KLF7: variants seen among roughly 807,000 people sequenced by gnomAD.
KLF7 encodes the protein Krueppel-like factor 7.
A neutral mutation model predicts 27.3 loss-of-function variants in KLF7; 2 were observed. The ratio of observed to expected loss-of-function variants is 0.07; its 90% CI spans 0.03 to 0.23. The LOEUF is 0.23. Among genes scored for constraint, KLF7 ranks in the 10% least tolerant of loss-of-function variants. The pLI is 1.00. For missense variants in KLF7, 221 were observed against 394.1 expected (o/e 0.56, Z 3.72); for synonymous variants, 165 against 162.4 (o/e 1.02, Z -0.12).
intron 2 of KLF7, among the ~76,000 whole-genome samples, chr2:207,091,394 T>C (rs1445329337): frequency 6.6e-6 from 1 of 152,202 alleles, no homozygotes; most frequent in Non-Finnish European, 1.5e-5. Flanking sequence ...TAGCTTGACT[T>C]AGCTCTGAAT....
intron 1 of KLF7, among the ~76,000 whole-genome samples, chr2:207,153,639 T>C (rs2078305928): frequency 6.7e-6 from 1 of 150,358 alleles, no homozygotes; most frequent in Admixed American, 6.6e-5. Flanking sequence ...TTTTTTTTTC[T>C]TAAGTGTAAT....
upstream of KLF7, among the ~76,000 whole-genome samples, chr2:207,168,183 T>A (rs1253309656): frequency 6.6e-6 from 1 of 152,186 alleles, no homozygotes; most frequent in African/African-American, 2.4e-5. Flanking sequence ...ACCATATAAT[T>A]TGGTACTTGA....
chr2:207,150,096 C>T (rs1304288499), intron 1 of KLF7, among the ~76,000 whole-genome samples: 3 of 152,154 alleles, frequency 2.0e-5, no homozygotes, highest in African/African-American at 7.2e-5. Flanking sequence ...CCACTACCAC[C>T]CTCCCCCACA....
the KLF7 span, among the ~76,000 whole-genome samples, chr2:207,173,299 T>A: frequency 6.6e-6 from 1 of 152,198 alleles, no homozygotes; most frequent in African/African-American, 2.4e-5. Flanking sequence ...ACTTCCCGCT[T>A]GTTCTGCCTA....
intron 1 of KLF7, among the ~76,000 whole-genome samples, chr2:207,131,730 C>T (rs1025072785): frequency 6.6e-6 from 1 of 152,160 alleles, no homozygotes; most frequent in Non-Finnish European, 1.5e-5. Context: ...CATTCCTAGG[C>T]TTTCAAAATT....
intron 2 of KLF7, among the ~76,000 whole-genome samples, chr2:207,118,615 G>A (rs1292821058): frequency 6.6e-6 from 1 of 152,184 alleles, no homozygotes; most frequent in East Asian, 1.9e-4. Context: ...AACCATCTAT[G>A]ATGAGCTGTG....
chr2:207,151,575 G>C (rs1288206097), intron 1 of KLF7, among the ~76,000 whole-genome samples: 2 of 152,132 alleles, frequency 1.3e-5, no homozygotes, highest in African/African-American at 4.8e-5. Context: ...CTCTTTTGCA[G>C]GGAAAACTGT....
intron 1 of KLF7, among the ~76,000 whole-genome samples, chr2:207,138,531 T>C (rs548537674): frequency 2.6e-5 from 4 of 152,336 alleles, no homozygotes; most frequent in East Asian, 3.9e-4. Flanking sequence ...CTGCTACTTA[T>C]AGTTAATGGT....
In KLF7 at chr2:207,165,608, C is replaced by T. The variant is rs752698163; in HGVS notation, c.-40G>A. The T allele has an allele frequency of 1.6e-5, 26 of 1,612,220 alleles. No individual in the cohort carries two copies. The highest frequency in any genetic ancestry group is 2.2e-5 in the Non-Finnish European group (26 of 1,179,948). On this transcript the variant is annotated 5_prime_UTR_variant, in exon 1 of 4. Transcript: ENST00000309446. ...GCAAAACGGGAGGCGAAACCCTCCC[C>T]CGAACACAGTTGGGGCTGTTTGTTT...
intron 1 of KLF7, among the ~76,000 whole-genome samples, chr2:207,125,014 T>C (rs1237919886): frequency 6.6e-6 from 1 of 152,200 alleles, no homozygotes; most frequent in Non-Finnish European, 1.5e-5. Context: ...CATAAAACTT[T>C]TGAGGCACAA....
chr2:207,133,535 C>T (rs568394745), intron 1 of KLF7, among the ~76,000 whole-genome samples: 73 of 152,292 alleles, frequency 4.8e-4, no homozygotes, highest in African/African-American at 1.7e-3. Flanking sequence ...TGATGGCTTC[C>T]TAAGAACAAC....
chr2:207,102,126 T>TCACACACACA (rs59384224), intron 2 of KLF7, among the ~76,000 whole-genome samples: 24 of 141,272 alleles, frequency 1.7e-4, no homozygotes, highest in Middle Eastern at 3.7e-3. Flanking sequence ...ACATTCACAT[T>TCACACACACA]CACACACACA....
At chr2:207,158,954 C>G (rs1217524435) in intron 1 of KLF7, among the ~76,000 whole-genome samples, 1 of 152,202 alleles carries the variant, frequency 6.6e-6, no homozygotes, top group East Asian at 1.9e-4. Context: ...TGTTAATAAG[C>G]TGTGTGACCT....
chr2:207,169,969 T>A (rs1014666588), upstream of KLF7, among the ~76,000 whole-genome samples: 5 of 151,936 alleles, frequency 3.3e-5, no homozygotes, highest in African/African-American at 1.2e-4. Flanking sequence ...CTATGGCCTC[T>A]AAGTGTGCAA....
chr2:207,122,311 G>A (rs563677504), intron 2 of KLF7, among the ~76,000 whole-genome samples: 2 of 152,254 alleles, frequency 1.3e-5, no homozygotes, highest in South Asian at 4.1e-4. Context: ...AACCAAGCAA[G>A]AGCCACACAG....
chr2:207,094,447 G>A (rs1421658405), intron 2 of KLF7, among the ~76,000 whole-genome samples: 2 of 152,140 alleles, frequency 1.3e-5, no homozygotes, highest in African/African-American at 2.4e-5. Context: ...AAACTCTGCA[G>A]ATCAGGAAAT....
chr2:207,096,506 G>A (rs991400893), intron 2 of KLF7, among the ~76,000 whole-genome samples: 14 of 152,184 alleles, frequency 9.2e-5, no homozygotes, highest in African/African-American at 2.7e-4. Flanking sequence ...GCTGAGATAC[G>A]AAGGAGGAGT....
intron 1 of KLF7, among the ~76,000 whole-genome samples, chr2:207,153,160 T>C (rs2078289490): frequency 2.0e-5 from 3 of 152,118 alleles, no homozygotes; most frequent in Admixed American, 6.5e-5. Flanking sequence ...GCTAGGATTA[T>C]GTTACACACC....
chr2:207,155,107 G>A (rs555282449), intron 1 of KLF7, among the ~76,000 whole-genome samples: 2 of 152,184 alleles, frequency 1.3e-5, no homozygotes, highest in Non-Finnish European at 2.9e-5. Context: ...CAAGTTGTAT[G>A]ATTTTAAGCA....
Sources: gnomAD v4.1 joint callset for allele counts (sites outside exome capture counted in the v4.1 genomes callset) on GRCh38, gnomAD v4.1.1 for gene constraint, MANE v1.5 for transcripts, NCBI Gene and HGNC (gene_info 2026-07-23, HGNC 2026-07-21) for gene names.